CSRNP3: variants seen among roughly 807,000 people sequenced by gnomAD.
The protein encoded by CSRNP3 is cysteine and serine rich nuclear protein 3.
A neutral mutation model predicts 48.0 loss-of-function variants in CSRNP3; 12 were observed. That is an observed-to-expected ratio of 0.25 (90% CI 0.16 to 0.41). The LOEUF is 0.41. Among genes scored for constraint, CSRNP3 ranks in the 10% least tolerant of loss-of-function variants. The pLI is 1.00. For synonymous variants in CSRNP3, 263 were observed against 269.7 expected (o/e 0.98, Z 0.24); for missense variants, 580 against 724.4 (o/e 0.80, Z 2.29).
At chr2:165,654,331 A>C (rs568240054) in intron 4 of CSRNP3, among the ~76,000 whole-genome samples, 1 of 152,342 alleles carries the variant, frequency 6.6e-6, no homozygotes, top group East Asian at 1.9e-4. Flanking sequence ...CAGAACTTTT[A>C]AGTCAAAATT....
chr2:165,595,895 C>T (rs1685801912), intron 4 of CSRNP3, among the ~76,000 whole-genome samples: 2 of 152,336 alleles, frequency 1.3e-5, no homozygotes, highest in South Asian at 2.1e-4. Flanking sequence ...CTCCCAAGTT[C>T]AAGTGATTCT....
intron 4 of CSRNP3, among the ~76,000 whole-genome samples, chr2:165,607,841 C>A (rs1454789680): frequency 6.6e-6 from 1 of 152,066 alleles, no homozygotes; most frequent in Non-Finnish European, 1.5e-5. Context: ...AGTTCTGTTA[C>A]AGTTTACTCT....
intron 4 of CSRNP3, among the ~76,000 whole-genome samples, chr2:165,612,638 A>T (rs560658791): frequency 1.3e-5 from 2 of 151,354 alleles, no homozygotes; most frequent in Admixed American, 1.3e-4. Context: ...ATTAGCCCAA[A>T]TTTTTTTTAG....
At position 165,684,355 on chromosome 2, in the gene CSRNP3, A is replaced by G. The variant is rs938148799; in HGVS notation, c.*4602A>G. On this transcript the variant is annotated 3_prime_UTR_variant, in exon 7 of 7. Transcript: ENST00000651982. ...TGTCATGAAGCCTTCTATTTCTCCAAACAACTCAATATTTCTCTTTAAAAT... is the reference window on the plus strand; with the variant it reads ...TGTCATGAAGCCTTCTATTTCTCCAGACAACTCAATATTTCTCTTTAAAAT... 23 of 152,190 alleles carry G rather than the reference A, an allele frequency of 1.5e-4. No individual in the cohort carries two copies. The highest frequency in any genetic ancestry group is 5.5e-4 in the African/African-American group (23 of 41,558). 9.4% of individuals were successfully genotyped at this position (152,190 alleles called of 1,614,324 possible).
intron 3 of CSRNP3, among the ~76,000 whole-genome samples, chr2:165,520,745 A>C (rs114399546): frequency 0.18 from 24,412 of 138,098 alleles, 2,584 homozygotes; most frequent in Non-Finnish European, 0.2. Flanking sequence ...TTTTATAGAT[A>C]TATAAATAGA....
At chr2:165,571,149 TTATTTA>T (rs1384724779) in intron 3 of CSRNP3, among the ~76,000 whole-genome samples, 3 of 151,918 alleles carry the variant, frequency 2.0e-5, no homozygotes, top group Admixed American at 6.6e-5. Context: ...AATTACTGAA[TTATTTA>T]TAAGTGCCGT....
chr2:165,549,475 T>A (rs971346477), intron 3 of CSRNP3, among the ~76,000 whole-genome samples: 1 of 151,962 alleles, frequency 6.6e-6, no homozygotes, highest in African/African-American at 2.4e-5. Flanking sequence ...AACACAGGGG[T>A]CCAGTGTTTT....
chr2:165,635,625 A>G (rs10183637), intron 4 of CSRNP3, among the ~76,000 whole-genome samples: 138 of 152,266 alleles, frequency 9.1e-4, no homozygotes, highest in Non-Finnish European at 1.5e-3. Context: ...TATTTATTAT[A>G]TTGTTTTCAT....
At chr2:165,603,137 C>T (rs892770035) in intron 4 of CSRNP3, among the ~76,000 whole-genome samples, 6 of 152,100 alleles carry the variant, frequency 3.9e-5, no homozygotes, top group Admixed American at 2.0e-4. Context: ...CCTCATGATC[C>T]GCCCGCCTCG....
At position 165,685,624 on chromosome 2, in the gene CSRNP3, T is replaced by G. The variant is rs1487953645; in HGVS notation, c.*5871T>G. On this transcript the variant is annotated 3_prime_UTR_variant, in exon 7 of 7. Transcript: ENST00000651982. Reference sequence around the variant, plus strand: ...AATGAGGTCATTTCAAAGATGTAAGTCACGTTGGTGACTACTTTCTTTTAC... The same window carrying G: ...AATGAGGTCATTTCAAAGATGTAAGGCACGTTGGTGACTACTTTCTTTTAC... 6.6e-6 allele frequency: 1 copy of G among 152,136 alleles called. No individual in the cohort carries two copies. Among genetic ancestry groups the G allele is most frequent in the Non-Finnish European group, 1.5e-5 (1 of 67,990 alleles). 9.4% of individuals were successfully genotyped at this position (152,136 alleles called of 1,614,324 possible).
intron 3 of CSRNP3, among the ~76,000 whole-genome samples, chr2:165,584,943 G>C (rs774351844): frequency 2.6e-5 from 4 of 152,180 alleles, no homozygotes; most frequent in Non-Finnish European, 5.9e-5. Context: ...TTACAAATTT[G>C]TGTTGGGCCG....
chr2:165,661,773 A>G (rs1247476692), intron 5 of CSRNP3, among the ~76,000 whole-genome samples: 3 of 152,188 alleles, frequency 2.0e-5, no homozygotes, highest in Admixed American at 2.0e-4. Flanking sequence ...TGTGAGTGAC[A>G]GTGAATTGCC....
intron 4 of CSRNP3, among the ~76,000 whole-genome samples, chr2:165,652,519 A>G (rs1191305758): frequency 6.6e-6 from 1 of 152,034 alleles, no homozygotes; most frequent in African/African-American, 2.4e-5. Context: ...AATGGTATCA[A>G]GTATGAAAAC....
chr2:165,652,745 C>T (rs1558962643), intron 4 of CSRNP3, among the ~76,000 whole-genome samples: 2 of 152,022 alleles, frequency 1.3e-5, no homozygotes, highest in South Asian at 2.1e-4. Context: ...GGTTTCGCCA[C>T]GTTGCTCAGG....
chr2:165,655,407 C>G (rs1573947529), intron 4 of CSRNP3, among the ~76,000 whole-genome samples: 1 of 152,168 alleles, frequency 6.6e-6, no homozygotes, highest in Non-Finnish European at 1.5e-5. Context: ...TGAGTAATAT[C>G]AACCAGGGAG....
chr2:165,586,715 C>T (rs1685639531), intron 3 of CSRNP3, among the ~76,000 whole-genome samples: 1 of 152,084 alleles, frequency 6.6e-6, no homozygotes, highest in African/African-American at 2.4e-5. Flanking sequence ...AAGGATTAAA[C>T]ACTAGATGAA....
intron 3 of CSRNP3, among the ~76,000 whole-genome samples, chr2:165,552,566 G>T (rs986598134): frequency 6.6e-6 from 1 of 152,072 alleles, no homozygotes; most frequent in Admixed American, 6.6e-5. Flanking sequence ...CAACCTAAAA[G>T]GGGCAAATTA....
chr2:165,538,509 CT>C (rs1322973710), intron 3 of CSRNP3, among the ~76,000 whole-genome samples: 2 of 151,924 alleles, frequency 1.3e-5, no homozygotes, highest in East Asian at 3.9e-4. Context: ...TCCATCCAGT[CT>C]CTCACAACTC....
chr2:165,518,478 G>A (rs1346777194), intron 3 of CSRNP3, among the ~76,000 whole-genome samples: 3 of 151,834 alleles, frequency 2.0e-5, no homozygotes, highest in Admixed American at 1.3e-4. Context: ...TTAATATGAA[G>A]GAACAGGAGG....
Sources: gnomAD v4.1 joint callset for allele counts (sites outside exome capture counted in the v4.1 genomes callset) on GRCh38, gnomAD v4.1.1 for gene constraint, MANE v1.5 for transcripts, NCBI Gene and HGNC (gene_info 2026-07-23, HGNC 2026-07-21) for gene names.